PEAK1: variants seen among roughly 807,000 people sequenced by gnomAD.
The protein encoded by PEAK1 is pseudopodium enriched atypical kinase 1.
Under a neutral mutation model 124.7 loss-of-function variants are expected in PEAK1, and 54 were observed. That is an observed-to-expected ratio of 0.43 (90% CI 0.35 to 0.54). PEAK1 has a LOEUF of 0.54. Ranked by LOEUF, PEAK1 falls within the 20% of genes least tolerant of loss-of-function variation. The pLI is 0.01. For missense variants in PEAK1, 2,046 were observed against 2,134.5 expected, an observed-to-expected ratio of 0.96 and a Z score of 0.82; for synonymous variants, 719 against 760.0, an observed-to-expected ratio of 0.95 and a Z score of 0.89.
In PEAK1 at chr15:77,341,383, C is replaced by T. The variant is rs578101374; in HGVS notation, c.-603+23780G>A. Among the ~76,000 whole-genome samples, 8 of 152,124 alleles carry T rather than the reference C, an allele frequency of 5.3e-5. No homozygotes were observed. The South Asian group carries it at 1.7e-3, about 32-fold the overall frequency. ...GGCATAGTGGCACGTGACTGTAATC[C>T]CAGCTCCTCGGGAGGCTGAGGCAGA... On this transcript the variant is annotated intron_variant, in intron 2 of 9. Transcript: ENST00000682557.
At chr15:77,405,146 C>T (rs2071708678) in intron 1 of PEAK1, among the ~76,000 whole-genome samples, 3 of 152,036 alleles carry the variant, frequency 2.0e-5, no homozygotes, top group African/African-American at 7.2e-5. Flanking sequence ...GCTGGGACTA[C>T]AGGTGCACGC....
chr15:77,365,569 C>T (rs3942289), intron 1 of PEAK1, among the ~76,000 whole-genome samples: 1 of 152,010 alleles, frequency 6.6e-6, no homozygotes, highest in Non-Finnish European at 1.5e-5. Context: ...GAAACCGTGT[C>T]TCTACTAAAA....
At chr15:77,219,022 T>C (rs1383916884) in intron 6 of PEAK1, among the ~76,000 whole-genome samples, 1 of 152,098 alleles carries the variant, frequency 6.6e-6, no homozygotes, top group East Asian at 1.9e-4. Context: ...ATCATGTAAA[T>C]TGTTGAATAC....
At chr15:77,397,905 C>CA (rs796918702) in intron 1 of PEAK1, among the ~76,000 whole-genome samples, 89 of 147,678 alleles carry the variant, frequency 6.0e-4, no homozygotes, top group Middle Eastern at 7.0e-3. Context: ...ACTAAAAATA[C>CA]AAAAAAAAAA....
intron 1 of PEAK1, among the ~76,000 whole-genome samples, chr15:77,384,375 C>G (rs538871933): frequency 6.6e-6 from 1 of 152,214 alleles, no homozygotes; most frequent in East Asian, 1.9e-4. Flanking sequence ...CAGAAACAAC[C>G]CAAAATGTGA....
At chr15:77,346,861 T>C in intron 2 of PEAK1, 4 of 551,192 alleles carry the variant, frequency 7.3e-6, no homozygotes, top group Non-Finnish European at 9.2e-6. Context: ...CAATGTCCCT[T>C]TGTCCCCATC....
intron 6 of PEAK1, among the ~76,000 whole-genome samples, chr15:77,212,583 T>TA (rs1297005101): frequency 2.0e-5 from 3 of 152,220 alleles, no homozygotes; most frequent in African/African-American, 7.2e-5. Flanking sequence ...CGGAGACTCA[T>TA]AACAGAATTT....
intron 2 of PEAK1, chr15:77,355,700 T>C (rs2067475239): frequency 1.1e-6 from 1 of 937,258 alleles, no homozygotes; most frequent in Non-Finnish European, 1.3e-6. Context: ...CCAAGGAGTC[T>C]TGAACTCATC....
At chr15:77,278,519 G>T in intron 5 of PEAK1, 1 of 493,986 alleles carries the variant, frequency 2.0e-6, no homozygotes, top group South Asian at 1.5e-5. Flanking sequence ...CAAAGTGAGG[G>T]ACAAACCACA....
chr15:77,415,206 GCTAA>G (rs1292451644), intron 1 of PEAK1, among the ~76,000 whole-genome samples: 4 of 152,126 alleles, frequency 2.6e-5, no homozygotes, highest in South Asian at 2.1e-4. Context: ...GGTCCTCAAT[GCTAA>G]CTAACAATCC....
At chr15:77,367,992 A>C (rs2068368818) in intron 1 of PEAK1, among the ~76,000 whole-genome samples, 1 of 152,200 alleles carries the variant, frequency 6.6e-6, no homozygotes, top group Admixed American at 6.5e-5. Context: ...TATAATCTTT[A>C]CGCTGGCAAA....
At chr15:77,325,714 A>G (rs2153024927) in intron 2 of PEAK1, among the ~76,000 whole-genome samples, 1 of 152,232 alleles carries the variant, frequency 6.6e-6, no homozygotes, top group African/African-American at 2.4e-5. Context: ...TAATATACAA[A>G]CCAAATTTCT....
At chr15:77,155,845 T>C in intron 8 of PEAK1, 1 of 153,600 alleles carries the variant, frequency 6.5e-6, no homozygotes, top group Non-Finnish European at 1.4e-5. Flanking sequence ...TGCTGCTGCC[T>C]GATCGTTCCT....
In PEAK1 at chr15:77,170,683, G is replaced by A. The variant is rs569035457; in HGVS notation, c.3137+8107C>T. Among the ~76,000 whole-genome samples, 24 of 152,282 alleles carry A rather than the reference G, an allele frequency of 1.6e-4. 1 individual carries two copies. In the Middle Eastern group the frequency reaches 0.02, roughly 129 times the overall value. ...CTAGATATTATGCTGACGTTTTACA[G>A]ATATTATACATTTAGTACTCAAAAT... On this transcript the variant is annotated intron_variant, in intron 7 of 9. Coordinates refer to ENST00000682557, the MANE Select transcript of PEAK1 (RefSeq NM_001385026.1).
At chr15:77,268,085 T>C (rs568939973) in intron 5 of PEAK1, among the ~76,000 whole-genome samples, 2 of 152,118 alleles carry the variant, frequency 1.3e-5, no homozygotes, top group South Asian at 2.1e-4. Context: ...GCCTCAGAAA[T>C]AGAACTGAAC....
chr15:77,275,631 G>T (rs2062275108), intron 5 of PEAK1, among the ~76,000 whole-genome samples: 1 of 151,970 alleles, frequency 6.6e-6, no homozygotes, highest in African/African-American at 2.4e-5. Flanking sequence ...CAGGAGAATT[G>T]CTTGAACCCG....
At chr15:77,163,470 G>A (rs1004762685) in intron 7 of PEAK1, among the ~76,000 whole-genome samples, 4 of 152,180 alleles carry the variant, frequency 2.6e-5, no homozygotes, top group Non-Finnish European at 4.4e-5. Context: ...AAGCTCACTT[G>A]GTTTACCCAG....
intron 7 of PEAK1, among the ~76,000 whole-genome samples, chr15:77,160,767 T>C (rs954357707): frequency 6.6e-6 from 1 of 152,186 alleles, no homozygotes; most frequent in East Asian, 1.9e-4. Flanking sequence ...GTTTCCTGAA[T>C]AGCTGTTTCT....
intron 2 of PEAK1, among the ~76,000 whole-genome samples, chr15:77,344,754 G>A (rs2066762495): frequency 6.6e-6 from 1 of 152,116 alleles, no homozygotes; most frequent in Non-Finnish European, 1.5e-5. Context: ...ACTTTTCAGT[G>A]TTCAGGTCTT....
Sources: gnomAD v4.1 joint callset for allele counts (sites outside exome capture counted in the v4.1 genomes callset) on GRCh38, gnomAD v4.1.1 for gene constraint, MANE v1.5 for transcripts, NCBI Gene and HGNC (gene_info 2026-07-23, HGNC 2026-07-21) for gene names.